PRSS41: variants seen among roughly 807,000 people sequenced by gnomAD.
The protein encoded by PRSS41 is serine protease 41, also known as protease, serine 41.
A neutral mutation model predicts 28.8 loss-of-function variants in PRSS41; 37 were observed. The ratio of observed to expected loss-of-function variants is 1.29; its 90% CI spans 0.99 to 1.69. The LOEUF (loss-of-function observed/expected upper bound fraction) is 1.69. PRSS41 is among the 40% of genes most tolerant of loss of function. The probability of loss-of-function intolerance (pLI) is 0.00; values close to 1 mark genes in which losing one functional copy is unlikely to be tolerated. For missense variants in PRSS41, 431 were observed against 400.7 expected, an observed-to-expected ratio of 1.08 and a Z score of -0.65; for synonymous variants, 195 against 163.1, an observed-to-expected ratio of 1.20 and a Z score of -1.49.
chr16:2,798,580 G>A, intron 1 of PRSS41, 32 bp downstream of exon 1: 1 of 1,526,616 alleles, frequency 6.6e-7, no homozygotes, highest in Non-Finnish European at 8.8e-7. Flanking sequence ...CGGGACCGGG[G>A]GCAGCGAGGA....
exon 3 of PRSS41, chr16:2,799,014 G>T: frequency 1.3e-6 from 2 of 1,532,232 alleles, no homozygotes; most frequent in Non-Finnish European, 1.7e-6. Context: ...TGGAGTCCGC[G>T]CGCGGGCGCT....
chr16:2,800,361 T>C (rs1332307916), intron 4 of PRSS41, among the ~76,000 whole-genome samples: 1 of 151,878 alleles, frequency 6.6e-6, no homozygotes, highest in African/African-American at 2.4e-5. Flanking sequence ...ACCAATATGG[T>C]GAAACCCCGT....
chr16:2,799,827 G>A (rs1321537454), intron 4 of PRSS41, among the ~76,000 whole-genome samples: 2 of 152,266 alleles, frequency 1.3e-5, no homozygotes, highest in Non-Finnish European at 2.9e-5. Context: ...AGGCCAGCTT[G>A]GCCTGGGCCT....
Position 2,804,935 on chromosome 16 carries a change from G to T in PRSS41, c.721G>T (p.Val241Phe). The change falls in exon 6 of 6, where the codon GTC becomes TTC. Residue 241 changes from valine to phenylalanine, a missense_variant. Coordinates refer to ENST00000399677, the Ensembl canonical transcript of PRSS41. ...CCAGGGTGACTCAGGTGGACCCTTG[G>T]TCTGTGACAAGGATGGACTGTGGTA... 3.2e-6 allele frequency: 5 copies of T among 1,587,118 alleles called. No homozygotes were observed. The South Asian group carries it at 5.8e-5, about 18-fold the overall frequency.
chr16:2,802,857 C>T (rs983538189), intron 4 of PRSS41, among the ~76,000 whole-genome samples: 7 of 142,480 alleles, frequency 4.9e-5, no homozygotes, highest in African/African-American at 8.7e-5. Flanking sequence ...AGAGGGAGAC[C>T]GTGGGGAGAG....
At chr16:2,802,746 C>T (rs2068997885) in intron 4 of PRSS41, among the ~76,000 whole-genome samples, 1 of 152,224 alleles carries the variant, frequency 6.6e-6, no homozygotes, top group Non-Finnish European at 1.5e-5. Context: ...CGGCGCATGC[C>T]TGCAATCGCA....
chr16:2,799,397 G>C (rs1411060825), exon 4 of PRSS41: 12 of 1,552,098 alleles, frequency 7.7e-6, no homozygotes, highest in Non-Finnish European at 9.6e-6. Context: ...ACATCATTGT[G>C]AACCCTGACG....
intron 4 of PRSS41, among the ~76,000 whole-genome samples, chr16:2,802,091 G>A (rs1333940425): frequency 6.6e-6 from 1 of 151,394 alleles, no homozygotes; most frequent in Non-Finnish European, 1.5e-5. Flanking sequence ...CAGATGGGGT[G>A]GCTGCCGGGC....
chr16:2,804,562 C>T lies in PRSS41; in HGVS notation c.699+16C>T, dbSNP rs1001968148. 8 of 1,549,018 alleles carry T rather than the reference C, an allele frequency of 5.2e-6. No homozygotes were observed. Among genetic ancestry groups the T allele is most frequent in the African/African-American group, 1.4e-5 (1 of 72,748 alleles). On this transcript the variant is annotated intron_variant, in intron 5 of 5. Transcript: ENST00000399677. Reference sequence around the variant, plus strand: ...CACCTGCAAAGTGAGTGCCTCTACCCCACCAGGGAATCCCACCCTCTCCAG... The same window carrying T: ...CACCTGCAAAGTGAGTGCCTCTACCTCACCAGGGAATCCCACCCTCTCCAG...
chr16:2,799,478 C>A (rs757131798), exon 4 of PRSS41: 5 of 1,552,086 alleles, frequency 3.2e-6, no homozygotes, highest in African/African-American at 1.4e-5. Flanking sequence ...ATGCGTACAT[C>A]CAGCCCATTT....
intron 4 of PRSS41, among the ~76,000 whole-genome samples, chr16:2,801,333 CTTATT>C (rs1056443688): frequency 2.0e-5 from 3 of 148,966 alleles, no homozygotes; most frequent in Admixed American, 6.7e-5. Flanking sequence ...TTCTTGGACT[CTTATT>C]TTTTTTTTTA....
chr16:2,805,058 G>A, exon 6 of PRSS41: 1 of 1,553,150 alleles, frequency 6.4e-7, no homozygotes, highest in African/African-American at 1.4e-5. Flanking sequence ...GATCCGGAGG[G>A]TGATGTCCCA....
At chr16:2,804,619 C>A in intron 5 of PRSS41, 73 bp downstream of exon 5, 1 of 1,344,682 alleles carries the variant, frequency 7.4e-7, no homozygotes, top group Non-Finnish European at 1.0e-6. Context: ...CCATTTCTCC[C>A]CCAACCACTC....
At chr16:2,799,998 C>G (rs532846044) in intron 4 of PRSS41, among the ~76,000 whole-genome samples, 30 of 152,316 alleles carry the variant, frequency 2.0e-4, no homozygotes, top group Middle Eastern at 6.8e-3. Flanking sequence ...ACTTAATGAC[C>G]GGGATATGTT....
intron 4 of PRSS41, among the ~76,000 whole-genome samples, chr16:2,802,242 T>TGGGGCGGCGGGGCA (rs1465624050): frequency 2.2e-5 from 3 of 134,410 alleles, no homozygotes; most frequent in Non-Finnish European, 4.7e-5. Flanking sequence ...ACATCCCAGA[T>TGGGGCGGCGGGGCA]GGGGCGGCGG....
At chr16:2,805,092 C>G (rs1163219512) in exon 6 of PRSS41, 1 of 1,551,670 alleles carries the variant, frequency 6.4e-7, no homozygotes, top group East Asian at 2.4e-5. Context: ...CCAAACCCCT[C>G]CCAGCTGTTG....
intron 4 of PRSS41, among the ~76,000 whole-genome samples, chr16:2,800,273 G>T (rs916621901): frequency 6.6e-6 from 1 of 152,170 alleles, no homozygotes; most frequent in Non-Finnish European, 1.5e-5. Flanking sequence ...CAGGCCAGGC[G>T]CATGAGCCTA....
chr16:2,803,058 G>A (rs2069000361), intron 4 of PRSS41, among the ~76,000 whole-genome samples: 1 of 152,156 alleles, frequency 6.6e-6, no homozygotes, highest in Non-Finnish European at 1.5e-5. Context: ...CTTATAAGGA[G>A]CACCTATCTG....
At chr16:2,801,290 ATGATT>A in intron 4 of PRSS41, among the ~76,000 whole-genome samples, 1 of 151,234 alleles carries the variant, frequency 6.6e-6, no homozygotes, top group Non-Finnish European at 1.5e-5. Flanking sequence ...TATTTTCTTG[ATGATT>A]TGATTGTTTT....
Sources: allele counts gnomAD v4.1 joint callset (sites outside exome capture counted in the v4.1 genomes callset), GRCh38; gene constraint gnomAD v4.1.1; transcripts MANE v1.5; gene names NCBI Gene and HGNC (gene_info 2026-07-23, HGNC 2026-07-21).